The following SHISAL2A variants were observed in gnomAD, a reference collection of about 807,000 sequenced individuals.
SHISAL2A encodes protein shisa-like-2A.
In SHISAL2A, 18 loss-of-function variants were observed where a neutral mutation model predicts 11.5. The observed-to-expected ratio is 1.57, with a 90% CI of 1.08 to 2.33. The LOEUF is 2.33. Among genes scored for constraint, SHISAL2A ranks in the 30% most tolerant of loss-of-function variants. The pLI, the probability that SHISAL2A is intolerant of heterozygous loss-of-function variation, is 0.00. For missense variants in SHISAL2A, 261 were observed against 250.9 expected, an observed-to-expected ratio of 1.04 and a Z score of -0.27; for synonymous variants, 94 against 99.6, an observed-to-expected ratio of 0.94 and a Z score of 0.34.
chr1:52,638,202 C>T (rs1691279720), intron 1 of SHISAL2A, among the ~76,000 whole-genome samples: 1 of 152,006 alleles, frequency 6.6e-6, no homozygotes, highest in Non-Finnish European at 1.5e-5. Context: ...ATGTATCACC[C>T]CAGAGTCAGG....
chr1:52,643,949 A>G (rs1558087520), intron 2 of SHISAL2A, among the ~76,000 whole-genome samples: 1 of 152,096 alleles, frequency 6.6e-6, no homozygotes, highest in Non-Finnish European at 1.5e-5. Flanking sequence ...AAAGGAAGGA[A>G]GGAAGGGAGG....
chr1:52,664,048 C>T (rs994178146), intron 4 of SHISAL2A, among the ~76,000 whole-genome samples: 3 of 152,164 alleles, frequency 2.0e-5, no homozygotes, highest in Admixed American at 6.5e-5. Context: ...ATTTACACAA[C>T]AGAGAATTTG....
exon 5 of SHISAL2A, chr1:52,667,424 C>A (rs1325718528): frequency 1.0e-6 from 1 of 983,524 alleles, no homozygotes; most frequent in African/African-American, 1.7e-5. Flanking sequence ...CTGGCAACAA[C>A]CACAATTGTA....
rs142476797 is a variant in SHISAL2A, at chr1:52,633,413, C to T, written c.-81C>T. On this transcript the variant is annotated 5_prime_UTR_variant, in exon 1 of 3. Transcript: ENST00000517870. This position sits in a 1 kb window ranked among gnomAD's most constrained non-coding sequence, Gnocchi z 6.4. ...GCCGTTCTCAGGCTCAGCTCCGTCT[C>T]GCTCGGTCCCTCGCTTCCCCGCCGG... The T allele has an allele frequency of 0.047, 59,515 of 1,257,526 alleles. 1,579 individuals are homozygous for T. Among genetic ancestry groups the T allele is most frequent in the South Asian group, 0.055 (3,334 of 60,634 alleles). 77.9% of individuals were successfully genotyped at this position (1,257,526 alleles called of 1,614,324 possible).
At chr1:52,646,686 A>T (rs1252740755) in intron 2 of SHISAL2A, among the ~76,000 whole-genome samples, 1 of 152,208 alleles carries the variant, frequency 6.6e-6, no homozygotes, top group Non-Finnish European at 1.5e-5. Flanking sequence ...CATGTATCCT[A>T]GGTGATATTG....
chr1:52,654,535 A>G (rs1691748663), intron 2 of SHISAL2A, among the ~76,000 whole-genome samples: 1 of 152,216 alleles, frequency 6.6e-6, no homozygotes, highest in African/African-American at 2.4e-5. Flanking sequence ...AAGGTGCAAA[A>G]TCAATTCAAC....
At chr1:52,632,902 G>A (rs1489433251), upstream of SHISAL2A, among the ~76,000 whole-genome samples, 1 of 152,138 alleles carries the variant, frequency 6.6e-6, no homozygotes, top group African/African-American at 2.4e-5. Flanking sequence ...ACATCCCCGG[G>A]CCCCTGGGTT....
intron 1 of SHISAL2A, among the ~76,000 whole-genome samples, chr1:52,635,894 A>G (rs188902232): frequency 6.6e-4 from 100 of 152,354 alleles, no homozygotes; most frequent in Middle Eastern, 3.4e-3. Flanking sequence ...TAGACACAAG[A>G]TGGAGTCAGC....
downstream of SHISAL2A, chr1:52,659,656 G>C (rs547802423): frequency 6.6e-6 from 1 of 152,620 alleles, no homozygotes; most frequent in African/African-American, 2.4e-5. Flanking sequence ...GTGTGGCCCA[G>C]GACCTGCAAG....
intron 2 of SHISAL2A, among the ~76,000 whole-genome samples, chr1:52,647,921 G>A (rs1180405493): frequency 6.7e-6 from 1 of 150,222 alleles, no homozygotes; most frequent in Non-Finnish European, 1.5e-5. Context: ...GCCCAAAAAT[G>A]TATCATATTA....
intron 2 of SHISAL2A, among the ~76,000 whole-genome samples, chr1:52,645,375 C>A (rs1691475320): frequency 9.8e-6 from 1 of 101,936 alleles, no homozygotes; most frequent in South Asian, 3.5e-4. Context: ...TGGTGGAGAC[C>A]AGAGACAACT....
downstream of SHISAL2A, among the ~76,000 whole-genome samples, chr1:52,661,377 T>G (rs1327168303): frequency 6.6e-6 from 1 of 152,180 alleles, no homozygotes; most frequent in Non-Finnish European, 1.5e-5. Flanking sequence ...GTCTCATGTA[T>G]CCACAAGAAA....
At chr1:52,634,999 T>C (rs551705647) in intron 1 of SHISAL2A, among the ~76,000 whole-genome samples, 1 of 152,358 alleles carries the variant, frequency 6.6e-6, no homozygotes, top group Non-Finnish European at 1.5e-5. Flanking sequence ...GATTTTCAGA[T>C]GGCCAGGTTA....
chr1:52,650,373 A>AC (rs1278660746), intron 2 of SHISAL2A, among the ~76,000 whole-genome samples: 1 of 152,068 alleles, frequency 6.6e-6, no homozygotes, highest in African/African-American at 2.4e-5. Flanking sequence ...ATGCCAGAAA[A>AC]CCTAGTTCTA....
chr1:52,636,493 G>C (rs778266741), intron 1 of SHISAL2A, among the ~76,000 whole-genome samples: 2 of 152,218 alleles, frequency 1.3e-5, no homozygotes, highest in Non-Finnish European at 2.9e-5. Flanking sequence ...GGAATTGTAA[G>C]AACTAAGAGA....
chr1:52,648,712 GT>G (rs1210715961), intron 2 of SHISAL2A, among the ~76,000 whole-genome samples: 1 of 152,164 alleles, frequency 6.6e-6, no homozygotes, highest in African/African-American at 2.4e-5. Flanking sequence ...TACATAGCTT[GT>G]GATTGTGGAG....
At chr1:52,659,043 T>TG (rs59167012), downstream of SHISAL2A, among the ~76,000 whole-genome samples, 734 of 96,208 alleles carry the variant, frequency 7.6e-3, 5 homozygotes, top group African/African-American at 0.023. Flanking sequence ...GTGGTGGTGG[T>TG]GTGTGTGTGT....
In SHISAL2A at chr1:52,641,838, C is replaced by T. The variant is rs143871131; in HGVS notation, c.183-1025C>T. 4.1e-3 allele frequency among the ~76,000 whole-genome samples: 619 copies of T among 152,048 alleles called. 6 individuals carry two copies. Among genetic ancestry groups the T allele is most frequent in the African/African-American group, 0.014 (567 of 41,456 alleles). On this transcript the variant is annotated intron_variant, in intron 1 of 2. Coordinates refer to ENST00000517870, the MANE Select transcript of SHISAL2A (RefSeq NM_001042693.3). ...GGGAGGGGGTGCCAGCATGGTGGCTCATGCCTGTAATCTCAGCACTTTGGG... is the reference window on the plus strand; with the variant it reads ...GGGAGGGGGTGCCAGCATGGTGGCTTATGCCTGTAATCTCAGCACTTTGGG...
intron 1 of SHISAL2A, among the ~76,000 whole-genome samples, chr1:52,638,490 A>G (rs944331227): frequency 1.3e-5 from 2 of 152,246 alleles, no homozygotes; most frequent in African/African-American, 4.8e-5. Flanking sequence ...GACAAGAGAA[A>G]TGAAAAGAGA....
Sources: gnomAD v4.1 joint callset for allele counts (sites outside exome capture counted in the v4.1 genomes callset) on GRCh38, gnomAD v4.1.1 for gene constraint, Gnocchi (gnomAD v3.1) non-coding constraint, MANE v1.5 for transcripts, NCBI Gene and HGNC (gene_info 2026-07-23, HGNC 2026-07-21) for gene names.